The following STAG1 variants were observed in gnomAD, a reference collection of about 807,000 sequenced individuals.
STAG1 encodes the protein STAG1 cohesin complex component.
In STAG1, 26 loss-of-function variants were observed where a neutral mutation model predicts 170.9. The observed-to-expected ratio is 0.15, with a 90% CI of 0.11 to 0.21. The LOEUF (loss-of-function observed/expected upper bound fraction) is 0.21, where lower values mean the gene tolerates loss of function less well. Among genes scored for constraint, STAG1 ranks in the 10% least tolerant of loss-of-function variants. The probability of loss-of-function intolerance (pLI) is 1.00; values close to 1 mark genes in which losing one functional copy is unlikely to be tolerated. For missense variants in STAG1, 964 were observed against 1,509.5 expected, an observed-to-expected ratio of 0.64 and a Z score of 5.99; for synonymous variants, 514 against 497.7, an observed-to-expected ratio of 1.03 and a Z score of -0.44.
intron 12 of STAG1, among the ~76,000 whole-genome samples, chr3:136,465,918 C>T (rs2089443892): frequency 6.6e-6 from 1 of 152,112 alleles, no homozygotes; most frequent in African/African-American, 2.4e-5. Context: ...GCAGTGCATG[C>T]CTGCCATCCC....
At chr3:136,412,286 C>G (rs1350830807) in intron 21 of STAG1, among the ~76,000 whole-genome samples, 1 of 151,800 alleles carries the variant, frequency 6.6e-6, no homozygotes, top group Non-Finnish European at 1.5e-5. Flanking sequence ...AGTAGAGTGC[C>G]AACTAAGAAA....
chr3:136,573,575 AT>A (rs1190515361), intron 4 of STAG1, among the ~76,000 whole-genome samples: 9 of 152,304 alleles, frequency 5.9e-5, no homozygotes, highest in South Asian at 2.1e-4. Context: ...GCCAAAAAAA[AT>A]ATTTCAAATA....
chr3:136,400,512 C>A lies in STAG1; in HGVS notation c.2197-1683G>T, dbSNP rs834305. Among the ~76,000 whole-genome samples, 58 of 151,580 alleles carry A rather than the reference C, an allele frequency of 3.8e-4. 1 individual carries two copies. The highest frequency in any genetic ancestry group is 2.8e-3 in the Admixed American group (43 of 15,210). On this transcript the variant is annotated intron_variant, in intron 21 of 33. Transcript: ENST00000383202. ...CTAGGACCATAGGCGTGAGCCACCA[C>A]GCCCGGCCGCAACATAAATTTTCTT...
intron 22 of STAG1, among the ~76,000 whole-genome samples, chr3:136,383,848 G>A (rs758951077): frequency 5.3e-5 from 8 of 151,522 alleles, no homozygotes; most frequent in Non-Finnish European, 8.8e-5. Flanking sequence ...CTAGCTACTC[G>A]GGAGGCTGAG....
intron 9 of STAG1, among the ~76,000 whole-genome samples, chr3:136,495,716 T>C (rs756915383): frequency 6.6e-6 from 1 of 151,860 alleles, no homozygotes; most frequent in Non-Finnish European, 1.5e-5. Flanking sequence ...TACCTATAAT[T>C]CCAGCATGTT....
At chr3:136,732,932 G>C (rs1052954738) in intron 1 of STAG1, among the ~76,000 whole-genome samples, 1 of 151,924 alleles carries the variant, frequency 6.6e-6, no homozygotes, top group African/African-American at 2.4e-5. Context: ...TTAATCTATT[G>C]CTAGCCCTAC....
At chr3:136,729,163 T>G (rs1306756603) in intron 1 of STAG1, among the ~76,000 whole-genome samples, 1 of 151,802 alleles carries the variant, frequency 6.6e-6, no homozygotes, top group Non-Finnish European at 1.5e-5. Context: ...GTGTGTGTGG[T>G]TTTTTTGTTT....
intron 14 of STAG1, among the ~76,000 whole-genome samples, chr3:136,449,058 T>C (rs1217405289): frequency 1.3e-5 from 2 of 152,160 alleles, no homozygotes; most frequent in Admixed American, 6.5e-5. Flanking sequence ...TAGAGCACAA[T>C]TGGAATACCA....
chr3:136,585,109 T>G (rs1269216067), intron 4 of STAG1, among the ~76,000 whole-genome samples: 1 of 152,182 alleles, frequency 6.6e-6, no homozygotes, highest in Non-Finnish European at 1.5e-5. Flanking sequence ...CAACAATTAT[T>G]TTACCTGTCC....
At chr3:136,718,275 T>G (rs1197325829) in intron 1 of STAG1, among the ~76,000 whole-genome samples, 1 of 152,162 alleles carries the variant, frequency 6.6e-6, no homozygotes, top group Non-Finnish European at 1.5e-5. Context: ...AAAACTGGAA[T>G]GAGTGAATTT....
intron 1 of STAG1, among the ~76,000 whole-genome samples, chr3:136,703,311 C>A (rs111760931): frequency 6.7e-4 from 102 of 152,238 alleles, no homozygotes; most frequent in African/African-American, 2.4e-3. Flanking sequence ...AGCTACCATC[C>A]CCCATTCACC....
intron 3 of STAG1, among the ~76,000 whole-genome samples, chr3:136,621,819 T>A (rs1338015585): frequency 6.6e-6 from 1 of 151,892 alleles, no homozygotes; most frequent in Non-Finnish European, 1.5e-5. Flanking sequence ...CAATAACTGG[T>A]TAAGCAACAT....
intron 7 of STAG1, among the ~76,000 whole-genome samples, chr3:136,519,750 C>A (rs889894536): frequency 6.6e-6 from 1 of 151,876 alleles, no homozygotes; most frequent in Admixed American, 6.6e-5. Flanking sequence ...AGTATTTTTA[C>A]AGTAACTTTT....
intron 5 of STAG1, among the ~76,000 whole-genome samples, chr3:136,566,112 T>G (rs1190395334): frequency 1.3e-5 from 2 of 152,184 alleles, no homozygotes; most frequent in Non-Finnish European, 2.9e-5. Context: ...AGGTGGTAAC[T>G]GCTACAATGG....
At chr3:136,594,259 A>G (rs1938316553) in intron 4 of STAG1, among the ~76,000 whole-genome samples, 1 of 152,108 alleles carries the variant, frequency 6.6e-6, no homozygotes, top group African/African-American at 2.4e-5. Flanking sequence ...ATTCCTCTCC[A>G]TTTGATGATA....
chr3:136,537,693 A>T (rs1935705435), intron 6 of STAG1, among the ~76,000 whole-genome samples: 1 of 151,638 alleles, frequency 6.6e-6, no homozygotes. Context: ...ATGGGGTTTC[A>T]CCATGTTGGC....
intron 1 of STAG1, among the ~76,000 whole-genome samples, chr3:136,673,626 G>A (rs1942041053): frequency 1.3e-5 from 2 of 152,012 alleles, no homozygotes; most frequent in African/African-American, 4.8e-5. Context: ...ATGTCAACCT[G>A]TTATCATAAC....
intron 9 of STAG1, among the ~76,000 whole-genome samples, chr3:136,497,547 A>C (rs915454665): frequency 4.6e-5 from 7 of 152,200 alleles, no homozygotes; most frequent in Non-Finnish European, 7.3e-5. Context: ...CTAGGAATAA[A>C]AAGAAACTTC....
chr3:136,497,877 C>G (rs569351918), intron 9 of STAG1, among the ~76,000 whole-genome samples: 1 of 146,896 alleles, frequency 6.8e-6, no homozygotes, highest in African/African-American at 2.5e-5. Flanking sequence ...ATTCCTCAAT[C>G]TGATAAGGGG....
Sources: gnomAD v4.1 joint callset for allele counts (sites outside exome capture counted in the v4.1 genomes callset) on GRCh38, gnomAD v4.1.1 for gene constraint, MANE v1.5 for transcripts, NCBI Gene and HGNC (gene_info 2026-07-23, HGNC 2026-07-21) for gene names.